TRIM62: variants seen among roughly 807,000 people sequenced by gnomAD.
The protein encoded by TRIM62 is E3 ubiquitin-protein ligase TRIM62.
A neutral mutation model predicts 44.2 loss-of-function variants in TRIM62; 39 were observed. That is an observed-to-expected ratio of 0.88 (90% CI 0.68 to 1.15). The LOEUF (loss-of-function observed/expected upper bound fraction) is 1.15, where lower values mean the gene tolerates loss of function less well. Ranked by LOEUF, TRIM62 falls within the 50% of genes most tolerant of loss-of-function variation. The probability of loss-of-function intolerance (pLI) is 0.00; values close to 1 mark genes in which losing one functional copy is unlikely to be tolerated. For synonymous variants in TRIM62, 278 were observed against 292.3 expected (o/e 0.95, Z 0.50); for missense variants, 544 against 665.5 (o/e 0.82, Z 2.01).
chr1:33,180,060 G>GT, intron 1 of TRIM62, among the ~76,000 whole-genome samples: 1 of 151,418 alleles, frequency 6.6e-6, no homozygotes, highest in South Asian at 2.1e-4. Context: ...TTTGAGCAAG[G>GT]CTCAATAAAA....
At chr1:33,174,489 C>T (rs1645398186) in intron 1 of TRIM62, among the ~76,000 whole-genome samples, 1 of 152,148 alleles carries the variant, frequency 6.6e-6, no homozygotes, top group South Asian at 2.1e-4. Context: ...CAGCTAGGCA[C>T]AGTTTCTGAG....
intron 4 of TRIM62, among the ~76,000 whole-genome samples, chr1:33,156,782 C>T (rs1645184368): frequency 6.6e-6 from 1 of 152,216 alleles, no homozygotes; most frequent in African/African-American, 2.4e-5. Flanking sequence ...CATCACAAAC[C>T]TTACAGGCTT....
Position 33,175,133 on chromosome 1 carries a change from G to A in TRIM62, c.408+5892C>T, listed in dbSNP as rs575012918. On this transcript the variant is annotated intron_variant, in intron 1 of 4. Transcript: ENST00000291416. ...CAGCTCACTGCAACCTCTGCCTCCC[G>A]GTTCAAGCGATTCTCGTGCCTCAGC... Among the ~76,000 whole-genome samples the A allele has an allele frequency of 3.3e-5, 5 of 151,654 alleles. No homozygotes were observed. In the South Asian group the frequency reaches 8.3e-4, roughly 25 times the overall value.
chr1:33,147,410 C>G lies in TRIM62; in HGVS notation c.1195G>C (p.Ala399Pro). The change falls in exon 5 of 5, where the codon GCC becomes CCC. Residue 399 changes from alanine to proline, a missense_variant. By Grantham distance (27) the Ala-to-Pro change is conservative. Transcript: ENST00000291416. The surrounding 1 kb of genome is among the most constrained non-coding windows in gnomAD (Gnocchi z 8.1). ...AGCCGCGTCCAGGGCTCCGTGCAGG[C>G]GCTGTACTGGTTGCCATCGTGCATC... ...IVMHDGNQYS[A>P]CTEPWTRLNV... 1.2e-6 allele frequency: 2 copies of G among 1,614,156 alleles called. No individual in the cohort carries two copies. The highest frequency in any genetic ancestry group is 1.7e-6 in the Non-Finnish European group (2 of 1,180,046).
rs145629798 is a variant in TRIM62 at position 33,155,041 on chromosome 1, C to T, written c.877+3212G>A. 3.7e-3 allele frequency among the ~76,000 whole-genome samples: 536 copies of T among 145,742 alleles called. 5 individuals are homozygous for T. Among genetic ancestry groups the T allele is most frequent in the African/African-American group, 0.012 (498 of 40,150 alleles). ...CCGGGAGGCAGACCTTGCAGTGAGC[C>T]GAGATCGCGCCACTGCACTCCAGCC... On this transcript the variant is annotated intron_variant, in intron 4 of 4. Coordinates refer to ENST00000291416, the MANE Select transcript of TRIM62 (RefSeq NM_018207.3).
Position 33,153,283 on chromosome 1 carries a change from C to T in TRIM62, c.877+4970G>A, listed in dbSNP as rs568565550. Reference sequence around the variant, plus strand: ...AGACAAAGAAAGGGGCCCAGCCAACCAGGCTGCTGCTCTCTGAACTCCCCA... The same window carrying T: ...AGACAAAGAAAGGGGCCCAGCCAACTAGGCTGCTGCTCTCTGAACTCCCCA... On this transcript the variant is annotated intron_variant, in intron 4 of 4. Transcript: ENST00000291416. Among the ~76,000 whole-genome samples the T allele has an allele frequency of 7.2e-5, 11 of 152,332 alleles. 1 individual carries two copies. In the East Asian group the frequency reaches 2.1e-3, roughly 29 times the overall value.
intron 2 of TRIM62, chr1:33,164,411 A>G (rs1645308867): frequency 6.6e-6 from 1 of 152,334 alleles, no homozygotes. Flanking sequence ...CACTCTGTAT[A>G]GTGGGGACTC....
intron 2 of TRIM62, among the ~76,000 whole-genome samples, chr1:33,162,552 A>G (rs1645282874): frequency 6.6e-6 from 1 of 152,194 alleles, no homozygotes; most frequent in African/African-American, 2.4e-5. Context: ...GCCTGGTACA[A>G]GGCTGGCAAT....
In TRIM62 at chr1:33,145,771, G is replaced by A; in HGVS notation, c.*1406C>T. The A allele has an allele frequency of 4.5e-6, 2 of 444,238 alleles. No homozygotes were observed. The highest frequency in any genetic ancestry group is 5.0e-5 in the Admixed American group (2 of 40,106). 27.5% of individuals were successfully genotyped at this position (444,238 alleles called of 1,614,324 possible). ...CAAGGGGCAGGACAACCCTAGATGT[G>A]GACTCCACCCTCTCCCGAGTTCTTC... On this transcript the variant is annotated 3_prime_UTR_variant, in exon 5 of 5. Coordinates refer to ENST00000291416, the MANE Select transcript of TRIM62 (RefSeq NM_018207.3).
chr1:33,154,912 T>C (rs1260344175), intron 4 of TRIM62, among the ~76,000 whole-genome samples: 1 of 151,128 alleles, frequency 6.6e-6, no homozygotes, highest in Non-Finnish European at 1.5e-5. Flanking sequence ...GCTAACACGG[T>C]GAAACCCCGT....
Position 33,150,987 on chromosome 1 carries a change from C to T in TRIM62, c.878-3260G>A, listed in dbSNP as rs573364809. 3.9e-5 allele frequency among the ~76,000 whole-genome samples: 6 copies of T among 152,174 alleles called. No homozygotes were observed. The South Asian group carries it at 1.0e-3, about 26-fold the overall frequency. ...TTTGAGACCAGCAACAGGCAGCAACCGAGGCTCAGGGCAGAAGGACTGGTG... is the reference window on the plus strand; with the variant it reads ...TTTGAGACCAGCAACAGGCAGCAACTGAGGCTCAGGGCAGAAGGACTGGTG... On this transcript the variant is annotated intron_variant, in intron 4 of 4. Transcript: ENST00000291416.
chr1:33,170,035 C>A (rs1645360730), intron 1 of TRIM62, among the ~76,000 whole-genome samples: 1 of 152,148 alleles, frequency 6.6e-6, no homozygotes, highest in Non-Finnish European at 1.5e-5. Flanking sequence ...GTCAATCTCC[C>A]CTACTAGGCC....
rs1386207605 is a variant in TRIM62 at position 33,165,289 on chromosome 1, T to C, written c.504+182A>G. On this transcript the variant is annotated intron_variant, in intron 2 of 4. Coordinates refer to ENST00000291416, the MANE Select transcript of TRIM62 (RefSeq NM_018207.3). The surrounding 1 kb of genome is among the most constrained non-coding windows in gnomAD (Gnocchi z 4.0). ...TCATGATGGGGTGGGTGCCGCCCCA[T>C]TGAACTTCACGGATGCCCTACCCTC... is the stretch of plus-strand genomic sequence containing the variant. 7 of 540,380 alleles carry C rather than the reference T, an allele frequency of 1.3e-5. No individual in the cohort carries two copies. The highest frequency in any genetic ancestry group is 2.0e-5 in the African/African-American group (1 of 51,210). 33.5% of individuals were successfully genotyped at this position (540,380 alleles called of 1,614,324 possible).
intron 1 of TRIM62, among the ~76,000 whole-genome samples, chr1:33,180,080 G>T (rs1434815287): frequency 6.6e-6 from 1 of 152,152 alleles, no homozygotes. Context: ...AGTTGAGTAG[G>T]AGTTTGTCAG....
At position 33,157,732 on chromosome 1, in the gene TRIM62, A is replaced by T. The variant is rs529973405; in HGVS notation, c.877+521T>A. Among the ~76,000 whole-genome samples the T allele has an allele frequency of 6.3e-4, 95 of 151,680 alleles. 1 individual carries two copies. Among genetic ancestry groups the T allele is most frequent in the Non-Finnish European group, 1.3e-3 (85 of 67,896 alleles). On this transcript the variant is annotated intron_variant, in intron 4 of 4. Coordinates refer to ENST00000291416, the MANE Select transcript of TRIM62 (RefSeq NM_018207.3). ...TTTCATCTGGAGAATGGGTTTGCTA[A>T]TGGAACCTATCTCATGTTTTTTTTT...
chr1:33,154,180 G>A (rs1431033993), intron 4 of TRIM62, among the ~76,000 whole-genome samples: 5 of 152,252 alleles, frequency 3.3e-5, no homozygotes, highest in Non-Finnish European at 7.3e-5. Flanking sequence ...CTAAAGATGG[G>A]CCGGGTGTGG....
Position 33,177,789 on chromosome 1 carries a change from C to T in TRIM62, c.408+3236G>A, listed in dbSNP as rs933264097. ...ATCTAGCCCCAAATGTCAATAATGC[C>T]GAGTACGATGTAACCTACTATAGCT... On this transcript the variant is annotated intron_variant, in intron 1 of 4. Transcript: ENST00000291416. The surrounding 1 kb of genome is among the most constrained non-coding windows in gnomAD (Gnocchi z 4.1). 2.0e-5 allele frequency among the ~76,000 whole-genome samples: 3 copies of T among 152,122 alleles called. No individual in the cohort carries two copies. The highest frequency in any genetic ancestry group is 2.9e-5 in the Non-Finnish European group (2 of 68,038).
chr1:33,145,947 T>G lies in TRIM62; in HGVS notation c.*1230A>C, dbSNP rs1441570639. The G allele has an allele frequency of 2.1e-6, 1 of 470,748 alleles. No individual in the cohort carries two copies. Among genetic ancestry groups the G allele is most frequent in the Non-Finnish European group, 4.4e-6 (1 of 226,958 alleles). 29.2% of individuals were successfully genotyped at this position (470,748 alleles called of 1,614,324 possible). ...CCAAACAGAATCTCTTGTAAAAATT[T>G]AGATTTGGGAACTGAGTGAAGTGGG... is the stretch of plus-strand genomic sequence containing the variant. On this transcript the variant is annotated 3_prime_UTR_variant, in exon 5 of 5. Transcript: ENST00000291416.
intron 4 of TRIM62, among the ~76,000 whole-genome samples, chr1:33,148,144 TAAC>T (rs1645046222): frequency 6.6e-6 from 1 of 152,100 alleles, no homozygotes; most frequent in Non-Finnish European, 1.5e-5. Flanking sequence ...CAGGTTGTCT[TAAC>T]AACAGCTGGG....
Sources: allele counts gnomAD v4.1 joint callset (sites outside exome capture counted in the v4.1 genomes callset), GRCh38; gene constraint gnomAD v4.1.1; non-coding constraint Gnocchi (gnomAD v3.1); transcripts MANE v1.5; gene names NCBI Gene and HGNC (gene_info 2026-07-23, HGNC 2026-07-21).